ERI1: variants seen among roughly 807,000 people sequenced by gnomAD.
ERI1 encodes 3'-5' exoribonuclease 1.
Under a neutral mutation model 39.7 loss-of-function variants are expected in ERI1, and 39 were observed. The ratio of observed to expected loss-of-function variants is 0.98; its 90% confidence interval spans 0.76 to 1.28. The LOEUF (loss-of-function observed/expected upper bound fraction) is 1.28. Ranked by LOEUF, ERI1 falls within the 50% of genes most tolerant of loss-of-function variation. The pLI is 0.00. For synonymous variants in ERI1, 204 were observed against 149.6 expected (o/e 1.36, Z -2.65); for missense variants, 581 against 416.9 (o/e 1.39, Z -3.43).
chr8:9,086,852 C>G (rs990519113), intron 3 of ERI1, among the ~76,000 whole-genome samples: 1 of 152,102 alleles, frequency 6.6e-6, no homozygotes, highest in African/African-American at 2.4e-5. Flanking sequence ...AACCATTATT[C>G]TGTATGTTTT....
intron 3 of ERI1, among the ~76,000 whole-genome samples, chr8:9,039,128 C>G (rs1797942412): frequency 1.3e-5 from 2 of 152,172 alleles, no homozygotes; most frequent in Admixed American, 6.5e-5. Flanking sequence ...CCAAGACTAT[C>G]AAATAATTAT....
chr8:9,055,120 G>C (rs1034043981), intron 3 of ERI1, among the ~76,000 whole-genome samples: 2 of 152,176 alleles, frequency 1.3e-5, no homozygotes, highest in East Asian at 3.8e-4. Flanking sequence ...CAGCCCCGTG[G>C]TGGAAGATTT....
intron 3 of ERI1, among the ~76,000 whole-genome samples, chr8:9,083,144 C>G (rs547628485): frequency 6.6e-6 from 1 of 152,176 alleles, no homozygotes; most frequent in Non-Finnish European, 1.5e-5. Flanking sequence ...GAGCTTTTAT[C>G]GCTCCATTGA....
chr8:9,009,221 A>G (rs1427954626), intron 2 of ERI1: 1 of 355,168 alleles, frequency 2.8e-6, no homozygotes, highest in Admixed American at 3.8e-5. Flanking sequence ...GTAAATACAG[A>G]TATGTTCCCC....
downstream of ERI1, among the ~76,000 whole-genome samples, chr8:9,034,578 C>G (rs1396914387): frequency 6.6e-6 from 1 of 152,074 alleles, no homozygotes; most frequent in East Asian, 1.9e-4. Context: ...CAGACCACAC[C>G]CATATAAGAC....
intron 3 of ERI1, among the ~76,000 whole-genome samples, chr8:9,056,419 T>A (rs1798509068): frequency 6.6e-6 from 1 of 152,212 alleles, no homozygotes; most frequent in African/African-American, 2.4e-5. Flanking sequence ...CAGAATCGAG[T>A]TGATGAGCCG....
Position 9,029,755 on chromosome 8 carries a change from C to T in ERI1, c.808-37C>T, listed in dbSNP as rs114571683. The T allele has an allele frequency of 1.3e-3, 2,022 of 1,611,408 alleles. 21 individuals are homozygous for T. In the African/African-American group the frequency reaches 0.023, roughly 18 times the overall value. On this transcript the variant is annotated intron_variant, in intron 6 of 6. Transcript: ENST00000250263. ...CTGTGGCTTATATTACAGTTTAGAA[C>T]ACCAAAGAATTATTTACTAAGCTGT...
chr8:9,057,958 CA>C (rs1457201483), intron 3 of ERI1, among the ~76,000 whole-genome samples: 1 of 152,044 alleles, frequency 6.6e-6, no homozygotes, highest in Admixed American at 6.6e-5. Flanking sequence ...CAGAGAAGTC[CA>C]GGGGGTGGAT....
chr8:9,009,017 C>G (rs1014639784), intron 2 of ERI1: 11 of 456,150 alleles, frequency 2.4e-5, no homozygotes, highest in Non-Finnish European at 4.8e-5. Flanking sequence ...TTCCCCGATT[C>G]TTTCTGTTAT....
At chr8:9,033,960 A>G (rs1168029673), downstream of ERI1, among the ~76,000 whole-genome samples, 1 of 152,254 alleles carries the variant, frequency 6.6e-6, no homozygotes, top group East Asian at 1.9e-4. Flanking sequence ...AATATAAAAT[A>G]CTGTTAACTT....
Position 9,032,463 on chromosome 8 carries a change from C to A in ERI1, c.*2429C>A, listed in dbSNP as rs1461747447. ...TATCTTTATTTGTGTTCTGTTGGAT[C>A]AAGTATTTAACATTTGCTCTGAAAA... On this transcript the variant is annotated 3_prime_UTR_variant, in exon 7 of 7. Coordinates refer to ENST00000250263, the MANE Select transcript of ERI1 (RefSeq NM_153332.4). The A allele has an allele frequency of 6.6e-6, 1 of 152,010 alleles. No homozygotes were observed. Among genetic ancestry groups the A allele is most frequent in the East Asian group, 1.9e-4 (1 of 5,178 alleles). The allele number at this position is 152,010 out of a possible 1,614,324, so 9.4% of individuals were successfully genotyped here.
intron 3 of ERI1, among the ~76,000 whole-genome samples, chr8:9,015,793 A>AGT (rs1817204784): frequency 6.6e-6 from 1 of 151,776 alleles, no homozygotes; most frequent in Admixed American, 6.6e-5. Flanking sequence ...GTAGATACAC[A>AGT]GTGTTAGCAA....
intron 3 of ERI1, among the ~76,000 whole-genome samples, chr8:9,085,066 C>G (rs1161433485): frequency 6.6e-6 from 1 of 152,202 alleles, no homozygotes; most frequent in Non-Finnish European, 1.5e-5. Flanking sequence ...CCCAAGACCT[C>G]ATGAATCAGA....
At chr8:9,028,257 G>A (rs1797326272) in intron 6 of ERI1, among the ~76,000 whole-genome samples, 1 of 152,086 alleles carries the variant, frequency 6.6e-6, no homozygotes, top group African/African-American at 2.4e-5. Context: ...CCTAGGTATA[G>A]GTCTATTCCG....
chr8:9,065,546 T>A (rs1798845063), intron 3 of ERI1, among the ~76,000 whole-genome samples: 2 of 151,612 alleles, frequency 1.3e-5, no homozygotes, highest in Admixed American at 1.3e-4. Flanking sequence ...ATACAAAAAA[T>A]TAGCCAGGCG....
intron 3 of ERI1, among the ~76,000 whole-genome samples, chr8:9,060,118 T>C (rs1014282239): frequency 1.4e-4 from 22 of 152,216 alleles, no homozygotes; most frequent in Non-Finnish European, 4.4e-5. Flanking sequence ...TTCCTGAATA[T>C]TGAGGATGGT....
intron 1 of ERI1, among the ~76,000 whole-genome samples, chr8:9,007,618 G>T (rs2117181208): frequency 6.6e-6 from 1 of 152,276 alleles, no homozygotes; most frequent in Middle Eastern, 3.4e-3. Flanking sequence ...GGAAATTGAG[G>T]ATCAGAGGCT....
chr8:9,028,473 C>G (rs1444347955), intron 6 of ERI1, among the ~76,000 whole-genome samples: 1 of 152,126 alleles, frequency 6.6e-6, no homozygotes, highest in Non-Finnish European at 1.5e-5. Context: ...TTGTGATTAT[C>G]CCAGTAACCC....
At chr8:9,076,802 G>A (rs928670465) in intron 3 of ERI1, among the ~76,000 whole-genome samples, 8 of 152,216 alleles carry the variant, frequency 5.3e-5, no homozygotes, top group Non-Finnish European at 1.0e-4. Context: ...GGGGAAGCGG[G>A]GATGTGTGTT....
Sources: gnomAD v4.1 joint callset for allele counts (sites outside exome capture counted in the v4.1 genomes callset) on GRCh38, gnomAD v4.1.1 for gene constraint, MANE v1.5 for transcripts, NCBI Gene and HGNC (gene_info 2026-07-23, HGNC 2026-07-21) for gene names.